Variants in GSTCD observed in about 807,000 individuals in gnomAD.
GSTCD encodes glutathione S-transferase C-terminal domain containing, also known as glutathione S-transferase C-terminal domain-containing protein.
A neutral mutation model predicts 68.3 loss-of-function variants in GSTCD; 44 were observed. The ratio of observed to expected loss-of-function variants is 0.64; its 90% CI spans 0.51 to 0.83. GSTCD has a LOEUF of 0.83. Among genes scored for constraint, GSTCD ranks in the 40% least tolerant of loss-of-function variants. The pLI is 0.00. For missense variants in GSTCD, 739 were observed against 735.9 expected (o/e 1.00, Z -0.05); for synonymous variants, 273 against 255.2 (o/e 1.07, Z -0.67).
intron 8 of GSTCD, among the ~76,000 whole-genome samples, chr4:105,833,891 C>T (rs1424030953): frequency 6.6e-6 from 1 of 152,072 alleles, no homozygotes; most frequent in Admixed American, 6.5e-5. Flanking sequence ...GAAAATAGTT[C>T]CTGTAACTCA....
intron 1 of GSTCD, among the ~76,000 whole-genome samples, chr4:105,712,935 A>G (rs960554407): frequency 1.3e-5 from 2 of 152,164 alleles, no homozygotes; most frequent in Non-Finnish European, 2.9e-5. Flanking sequence ...TGGGATATAC[A>G]TGTAAGAGTC....
intron 5 of GSTCD, among the ~76,000 whole-genome samples, chr4:105,782,566 T>C (rs757589662): frequency 6.6e-6 from 1 of 151,922 alleles, no homozygotes; most frequent in Non-Finnish European, 1.5e-5. Flanking sequence ...CTTCATAATA[T>C]ATAGGAATTA....
intron 5 of GSTCD, among the ~76,000 whole-genome samples, chr4:105,779,275 T>G (rs1363752493): frequency 6.6e-6 from 1 of 152,174 alleles, no homozygotes; most frequent in African/African-American, 2.4e-5. Context: ...TTTTGCAGAA[T>G]GCCCCTCAAC....
chr4:105,709,755 A>G (rs1365916300), intron 1 of GSTCD, among the ~76,000 whole-genome samples: 1 of 152,140 alleles, frequency 6.6e-6, no homozygotes, highest in African/African-American at 2.4e-5. Flanking sequence ...ATTGTGTGCT[A>G]CATTATTGAT....
chr4:105,729,406 GA>G lies in GSTCD; in HGVS notation c.1151del (p.Lys384ArgfsTer5). ...GPRPTMAKLM[E>X]KGIEVMFSPH... ...AGAAAGAGGCTATTTCCTTTTCTAG[GA>G]AAAGGGCATTGAAGTGATGTTTTCT... is the stretch of plus-strand genomic sequence containing the variant. On this transcript the variant is annotated frameshift_variant and splice_region_variant, in exon 5 of 12. Transcript: ENST00000515279. LOFTEE classifies it high-confidence loss of function. 1 of 1,592,548 alleles carries G rather than the reference GA, an allele frequency of 6.3e-7. No individual in the cohort carries two copies. Among genetic ancestry groups the G allele is most frequent in the Non-Finnish European group, 8.6e-7 (1 of 1,164,700 alleles).
intron 5 of GSTCD, among the ~76,000 whole-genome samples, chr4:105,768,058 C>G (rs984005482): frequency 6.9e-5 from 10 of 145,778 alleles, no homozygotes; most frequent in Non-Finnish European, 1.2e-4. Flanking sequence ...TTTTTTGAGA[C>G]GGAGTCTCTC....
intron 5 of GSTCD, among the ~76,000 whole-genome samples, chr4:105,771,763 G>A (rs1237482685): frequency 6.6e-6 from 1 of 152,106 alleles, no homozygotes; most frequent in South Asian, 2.1e-4. Context: ...TACTGTTTTG[G>A]TTACTGTAGC....
chr4:105,774,101 C>T (rs1055496152), intron 5 of GSTCD, among the ~76,000 whole-genome samples: 1 of 152,096 alleles, frequency 6.6e-6, no homozygotes, highest in African/African-American at 2.4e-5. Flanking sequence ...ATCCCCTTAC[C>T]ATTATGTAAT....
At chr4:105,829,700 C>T (rs1287969716) in intron 8 of GSTCD, among the ~76,000 whole-genome samples, 2 of 152,050 alleles carry the variant, frequency 1.3e-5, no homozygotes, top group African/African-American at 4.8e-5. Context: ...ATGGGAGCTA[C>T]AATTCAAGAT....
chr4:105,765,777 A>G (rs1734581229), intron 5 of GSTCD, among the ~76,000 whole-genome samples: 2 of 152,090 alleles, frequency 1.3e-5, no homozygotes, highest in Admixed American at 1.3e-4. Context: ...CATGATAGTG[A>G]ATGAGTTCTC....
At chr4:105,722,302 T>G (rs1159170043) in intron 3 of GSTCD, among the ~76,000 whole-genome samples, 1 of 152,118 alleles carries the variant, frequency 6.6e-6, no homozygotes, top group African/African-American at 2.4e-5. Flanking sequence ...GGAACCTCAC[T>G]TTTTGCTGGC....
At chr4:105,764,024 A>G (rs1446726930) in intron 5 of GSTCD, among the ~76,000 whole-genome samples, 1 of 152,100 alleles carries the variant, frequency 6.6e-6, no homozygotes, top group East Asian at 1.9e-4. Context: ...ACATTTCAGT[A>G]GTTAATCTTT....
In GSTCD at chr4:105,730,503, A is replaced by G. The variant is rs990902911; in HGVS notation, c.1240+1004A>G. ...TTTCTCTGATGGCCAGTGATGATGA[A>G]CATTTTTTCATGTGTCTTTGGCTGC... On this transcript the variant is annotated intron_variant, in intron 5 of 11. Transcript: ENST00000515279. 9.2e-5 allele frequency among the ~76,000 whole-genome samples: 14 copies of G among 152,220 alleles called. No individual in the cohort carries two copies. In the South Asian group the frequency reaches 2.7e-3, roughly 29 times the overall value.
chr4:105,723,474 A>G (rs548970156), intron 3 of GSTCD, among the ~76,000 whole-genome samples: 2 of 151,950 alleles, frequency 1.3e-5, no homozygotes, highest in South Asian at 4.1e-4. Context: ...AATTATTTGC[A>G]CAGTGTTTAT....
chr4:105,786,685 G>A (rs188547028), intron 5 of GSTCD, among the ~76,000 whole-genome samples: 1 of 152,200 alleles, frequency 6.6e-6, no homozygotes, highest in East Asian at 1.9e-4. Context: ...CAAAGTATCT[G>A]AGTAGACATT....
intron 5 of GSTCD, chr4:105,761,010 T>TG (rs2149235614): frequency 6.6e-6 from 2 of 303,982 alleles, no homozygotes; most frequent in African/African-American, 2.6e-5. Context: ...TTTTTTTTTT[T>TG]TTTTTTTTTT....
chr4:105,740,061 C>T (rs1344207264), intron 5 of GSTCD, among the ~76,000 whole-genome samples: 1 of 152,034 alleles, frequency 6.6e-6, no homozygotes, highest in Admixed American at 6.5e-5. Context: ...GCAGCTTAGC[C>T]TCAGAAATGA....
intron 5 of GSTCD, among the ~76,000 whole-genome samples, chr4:105,788,808 CTAAA>C (rs1460341513): frequency 1.3e-5 from 2 of 151,814 alleles, no homozygotes; most frequent in African/African-American, 4.8e-5. Context: ...TTTATGATAA[CTAAA>C]TAAATTTCTT....
At position 105,839,406 on chromosome 4, in the gene GSTCD, C is replaced by A. The variant is rs572799446; in HGVS notation, c.1695+1517C>A. Among the ~76,000 whole-genome samples, 31 of 152,328 alleles carry A rather than the reference C, an allele frequency of 2.0e-4. No individual in the cohort carries two copies. The East Asian group carries it at 3.9e-3, about 19-fold the overall frequency. On this transcript the variant is annotated intron_variant, in intron 10 of 11. Transcript: ENST00000515279. ...AACCCAGCACTTTGGGAGGCCAAGG[C>A]AGGCAGATCACTTGAGAACAGAGTT...
Sources: gnomAD v4.1 joint callset for allele counts (sites outside exome capture counted in the v4.1 genomes callset) on GRCh38, gnomAD v4.1.1 for gene constraint, MANE v1.5 for transcripts, NCBI Gene and HGNC (gene_info 2026-07-23, HGNC 2026-07-21) for gene names.